WDFY4: variants seen among roughly 807,000 people sequenced by gnomAD.
The protein encoded by WDFY4 is WD repeat- and FYVE domain-containing protein 4.
In WDFY4, 169 loss-of-function variants were observed where a neutral mutation model predicts 351.9. That is an observed-to-expected ratio of 0.48 (90% confidence interval 0.42 to 0.55). The LOEUF (loss-of-function observed/expected upper bound fraction) is 0.55, where lower values mean the gene tolerates loss of function less well. Among genes scored for constraint, WDFY4 ranks in the 20% least tolerant of loss-of-function variants. The pLI is 0.00. For missense variants in WDFY4, 3,803 were observed against 3,935.6 expected (o/e 0.97, Z 0.90); for synonymous variants, 1,622 against 1,574.6 (o/e 1.03, Z -0.71).
chr10:48,791,648 G>A (rs2066685083), intron 23 of WDFY4, among the ~76,000 whole-genome samples: 1 of 152,238 alleles, frequency 6.6e-6, no homozygotes, highest in Non-Finnish European at 1.5e-5. Context: ...CTGCCCTTGA[G>A]TAACTTCTCA....
At chr10:48,757,700 G>C in intron 12 of WDFY4, among the ~76,000 whole-genome samples, 1 of 150,960 alleles carries the variant, frequency 6.6e-6, no homozygotes, top group Non-Finnish European at 1.5e-5. Context: ...TGGACAATTT[G>C]AATATATTTT....
Position 48,817,129 on chromosome 10 carries a change from A to G in WDFY4, c.5341-116A>G, listed in dbSNP as rs150754619. 625 of 1,230,342 alleles carry G rather than the reference A, an allele frequency of 5.1e-4. 3 individuals carry two copies. The African/African-American group carries it at 8.6e-3, about 17-fold the overall frequency. 76.2% of individuals were successfully genotyped at this position (1,230,342 alleles called of 1,614,324 possible). ...TGGTGCTAATCTGCAGTCTTAAATA[A>G]TGTATCTTGTTGAAAGTCTCAGGAA... On this transcript the variant is annotated intron_variant, in intron 31 of 61. Coordinates refer to ENST00000325239, the MANE Select transcript of WDFY4 (RefSeq NM_001394531.1).
chr10:48,801,527 CTGGATACCCA>C (rs1380234275), intron 24 of WDFY4: 5 of 456,508 alleles, frequency 1.1e-5, no homozygotes, highest in African/African-American at 1.0e-4. Flanking sequence ...GGGTGCCATG[CTGGATACCCA>C]TGTTTTCACT....
chr10:48,790,706 T>C (rs959923331), intron 22 of WDFY4, 21 bp from the exon 23 acceptor site: 1 of 1,547,826 alleles, frequency 6.5e-7, no homozygotes, highest in African/African-American at 1.4e-5. Flanking sequence ...GTTGATGAAA[T>C]GCCCACTTTA....
At chr10:48,722,381 G>A (rs916359233) in intron 4 of WDFY4, among the ~76,000 whole-genome samples, 10 of 152,164 alleles carry the variant, frequency 6.6e-5, no homozygotes, top group Admixed American at 2.0e-4. Context: ...ATGGTGCATC[G>A]GGGGTGAGGT....
intron 47 of WDFY4, among the ~76,000 whole-genome samples, chr10:48,904,979 G>A (rs560616919): frequency 6.2e-4 from 95 of 152,300 alleles, no homozygotes; most frequent in African/African-American, 1.7e-3. Context: ...GTTCCAAGCC[G>A]CAGCACTCAT....
chr10:48,685,162 A>T (rs1320657933), intron 1 of WDFY4, among the ~76,000 whole-genome samples, 161 bp downstream of exon 1: 1 of 152,016 alleles, frequency 6.6e-6, no homozygotes, highest in Non-Finnish European at 1.5e-5. Context: ...AGAGGAGGTG[A>T]GCTGGGGAGC....
At chr10:48,929,369 C>T (rs1420731161) in intron 47 of WDFY4, among the ~76,000 whole-genome samples, 2 of 152,188 alleles carry the variant, frequency 1.3e-5, no homozygotes, top group African/African-American at 4.8e-5. Flanking sequence ...TCTCAATAGC[C>T]TCTAGGCTCC....
intron 13 of WDFY4, among the ~76,000 whole-genome samples, chr10:48,766,555 T>C (rs1200423301): frequency 2.6e-5 from 4 of 152,058 alleles, no homozygotes; most frequent in Non-Finnish European, 4.4e-5. Flanking sequence ...GATTGTGCCA[T>C]TGAACTCCAG....
chr10:48,974,150 GC>G (rs2131850606), intron 57 of WDFY4, among the ~76,000 whole-genome samples: 1 of 152,270 alleles, frequency 6.6e-6, no homozygotes, highest in South Asian at 2.1e-4. Flanking sequence ...GCTACTTGCT[GC>G]TACTGAGCCT....
chr10:48,865,261 C>T (rs1000238650), intron 39 of WDFY4, among the ~76,000 whole-genome samples: 3 of 151,984 alleles, frequency 2.0e-5, no homozygotes, highest in Non-Finnish European at 4.4e-5. Context: ...AGTTGGTTGA[C>T]TTTTTGTTTT....
chr10:48,970,182 G>A lies in WDFY4; in HGVS notation c.8821G>A (p.Val2941Met), dbSNP rs547287382. ...TGCCTGGGGCCGCTGTCTGTGCGCC[G>A]TGTGCCCATCCCCAACAACGATTGT... ...LAAWGRCLCA[V>M]CPSPTTIVTS... is the part of the protein sequence containing the mutation. Residue 2941 changes from valine (V) to methionine (M), a missense_variant, in exon 57 of 62, where the codon GTG (valine) becomes ATG (methionine). Transcript: ENST00000325239. The A allele has an allele frequency of 2.6e-5, 40 of 1,551,640 alleles. No homozygotes were observed. The Admixed American group carries it at 2.7e-4, about 11-fold the overall frequency.
At chr10:48,928,096 T>C (rs1420846754) in intron 47 of WDFY4, among the ~76,000 whole-genome samples, 1 of 152,132 alleles carries the variant, frequency 6.6e-6, no homozygotes, top group African/African-American at 2.4e-5. Context: ...ACAGGTGTTA[T>C]TTTGTCTTCT....
At position 48,792,520 on chromosome 10, in the gene WDFY4, G is replaced by T. The variant is rs184511497; in HGVS notation, c.4257+1603G>T. ...TAAAACTCAAGAATTGGGGATATTGGTACACAAAGGTTTTCTCTGAATATG... is the reference window on the plus strand; with the variant it reads ...TAAAACTCAAGAATTGGGGATATTGTTACACAAAGGTTTTCTCTGAATATG... On this transcript the variant is annotated intron_variant, in intron 23 of 61. Coordinates refer to ENST00000325239, the MANE Select transcript of WDFY4 (RefSeq NM_001394531.1). 4.2e-3 allele frequency among the ~76,000 whole-genome samples: 645 copies of T among 152,250 alleles called. 2 individuals carry two copies. The highest frequency in any genetic ancestry group is 0.015 in the African/African-American group (609 of 41,518).
At chr10:48,973,292 C>G (rs949632106) in intron 57 of WDFY4, among the ~76,000 whole-genome samples, 3 of 152,210 alleles carry the variant, frequency 2.0e-5, no homozygotes, top group Admixed American at 2.0e-4. Flanking sequence ...CCTGTCAACT[C>G]CTCTGCTTTC....
At chr10:48,889,438 G>T (rs1195602165) in intron 43 of WDFY4, among the ~76,000 whole-genome samples, 1 of 152,112 alleles carries the variant, frequency 6.6e-6, no homozygotes, top group Non-Finnish European at 1.5e-5. Context: ...TCAGTCCCAG[G>T]CTGTGTCACT....
chr10:48,876,366 C>T (rs1201583573), intron 42 of WDFY4, among the ~76,000 whole-genome samples: 1 of 152,206 alleles, frequency 6.6e-6, no homozygotes, highest in Non-Finnish European at 1.5e-5. Context: ...GATTCTACCT[C>T]TAGTTCTTAG....
At chr10:48,892,414 T>C (rs1836857382) in intron 44 of WDFY4, among the ~76,000 whole-genome samples, 1 of 152,230 alleles carries the variant, frequency 6.6e-6, no homozygotes, top group African/African-American at 2.4e-5. Context: ...TTCTCTAGAA[T>C]GCAAGCAGGA....
At chr10:48,742,930 C>T (rs1194487475) in intron 11 of WDFY4, 38 bp from the exon 12 acceptor site, 2 of 1,512,812 alleles carry the variant, frequency 1.3e-6, no homozygotes, top group Non-Finnish European at 1.8e-6. Flanking sequence ...TAATCTACCT[C>T]CTGGAGTGCA....
Sources: allele counts gnomAD v4.1 joint callset (sites outside exome capture counted in the v4.1 genomes callset), GRCh38; gene constraint gnomAD v4.1.1; transcripts MANE v1.5; gene names NCBI Gene and HGNC (gene_info 2026-07-23, HGNC 2026-07-21).